The following IL31RA variants were observed in gnomAD, a reference collection of about 807,000 sequenced individuals.
IL31RA encodes interleukin-31 receptor subunit alpha.
Under a neutral mutation model 83.7 loss-of-function variants are expected in IL31RA, and 66 were observed. The observed-to-expected ratio is 0.79, with a 90% CI of 0.65 to 0.97. The LOEUF (loss-of-function observed/expected upper bound fraction) is 0.97. Ranked by LOEUF, IL31RA falls within the 50% of genes least tolerant of loss-of-function variation. The probability of loss-of-function intolerance (pLI) is 0.00; values close to 1 mark genes in which losing one functional copy is unlikely to be tolerated. For synonymous variants in IL31RA, 325 were observed against 329.0 expected (o/e 0.99, Z 0.13); for missense variants, 798 against 919.4 (o/e 0.87, Z 1.71).
At chr5:55,864,953 A>G (rs575987014) in intron 2 of IL31RA, among the ~76,000 whole-genome samples, 1 of 152,154 alleles carries the variant, frequency 6.6e-6, no homozygotes, top group Non-Finnish European at 1.5e-5. Context: ...CTTATCTCTG[A>G]GCCATGGAGA....
At chr5:55,893,442 G>A (rs575909716) in intron 6 of IL31RA, among the ~76,000 whole-genome samples, 2 of 152,332 alleles carry the variant, frequency 1.3e-5, no homozygotes, top group East Asian at 3.9e-4. Context: ...CATAGAAATG[G>A]TATAGCATCA....
At chr5:55,846,803 T>C (rs1475732367), upstream of IL31RA, among the ~76,000 whole-genome samples, 1 of 150,860 alleles carries the variant, frequency 6.6e-6, no homozygotes. Flanking sequence ...GAAAAAAGAA[T>C]CTATATTTTA....
At chr5:55,853,383 G>C (rs1745167669) in intron 1 of IL31RA, 1 of 1,374,716 alleles carries the variant, frequency 7.3e-7, no homozygotes, top group Admixed American at 2.9e-5. Flanking sequence ...ACTTGGGCTG[G>C]GCTTAAAAGC....
intron 6 of IL31RA, among the ~76,000 whole-genome samples, chr5:55,891,579 C>T (rs565165336): frequency 6.6e-6 from 1 of 152,128 alleles, no homozygotes; most frequent in African/African-American, 2.4e-5. Context: ...CATCACCTTT[C>T]CCCACTCTTG....
chr5:55,850,175 A>G (rs1363197553), upstream of IL31RA, among the ~76,000 whole-genome samples: 2 of 151,950 alleles, frequency 1.3e-5, no homozygotes, highest in Non-Finnish European at 2.9e-5. Flanking sequence ...ATATTCTGAA[A>G]CTTCACTGTT....
At chr5:55,864,358 A>C (rs199831049) in intron 2 of IL31RA, among the ~76,000 whole-genome samples, 5 of 141,836 alleles carry the variant, frequency 3.5e-5, no homozygotes, top group Non-Finnish European at 7.7e-5. Flanking sequence ...CACACACACC[A>C]CACACACTAC....
chr5:55,853,930 G>A (rs1223534862), intron 1 of IL31RA, among the ~76,000 whole-genome samples: 1 of 152,162 alleles, frequency 6.6e-6, no homozygotes, highest in Non-Finnish European at 1.5e-5. Flanking sequence ...ATCACTAATA[G>A]CTACCACATG....
intron 5 of IL31RA, among the ~76,000 whole-genome samples, chr5:55,886,967 A>G (rs564634426): frequency 6.6e-6 from 1 of 152,270 alleles, no homozygotes; most frequent in African/African-American, 2.4e-5. Flanking sequence ...TTTCTCTTCC[A>G]GTTACACTGT....
intron 4 of IL31RA, among the ~76,000 whole-genome samples, chr5:55,877,040 T>A (rs555306869): frequency 1.3e-5 from 2 of 152,224 alleles, no homozygotes; most frequent in Non-Finnish European, 2.9e-5. Context: ...ATAGCTTTTT[T>A]ATCCCTCTTT....
the IL31RA span, among the ~76,000 whole-genome samples, chr5:55,845,532 G>T: frequency 1.3e-5 from 2 of 152,124 alleles, no homozygotes; most frequent in Admixed American, 6.5e-5. Context: ...CCAGATGGAG[G>T]TAATTGGAAC....
rs1561543233 is a variant in IL31RA, at chr5:55,867,191, G to GCA, written c.155-1600_155-1599insCA. 2.0e-4 allele frequency among the ~76,000 whole-genome samples: 24 copies of GCA among 119,682 alleles called. 1 individual carries two copies. Among genetic ancestry groups the GCA allele is most frequent in the African/African-American group, 8.1e-4 (21 of 25,896 alleles). The allele number at this position is 119,682 out of a possible 152,430, so 78.5% of individuals were successfully genotyped here. Reference sequence around the variant, plus strand: ...TGCATGTGTGTGTGCATGTGTGTTTGTGTGTGTTTGTGTGTGTGCGCATGT... The same window carrying GCA: ...TGCATGTGTGTGTGCATGTGTGTTTGCATGTGTGTTTGTGTGTGTGCGCATGT... On this transcript the variant is annotated intron_variant, in intron 2 of 14. Transcript: ENST00000652347.
At position 55,914,851 on chromosome 5, in the gene IL31RA, T is replaced by C. The variant is rs1382758579; in HGVS notation, c.1741T>C (p.Leu581=). The change falls in exon 14 of 15, where the codon TTG becomes CTG. Residue 581 remains leucine (L), a synonymous_variant. Coordinates refer to ENST00000652347, the MANE Select transcript of IL31RA (RefSeq NM_139017.7). ...TAAAATCTTCTCTCTCATTAGCAAA[T>C]TGACTCATCTGTGTTGGCCCACCGT... ...VAYGLKKPNK[L]THLCWPTVPN... is the part of the protein sequence containing the mutation. The C allele has an allele frequency of 1.2e-6, 2 of 1,610,518 alleles. No individual in the cohort carries two copies. The highest frequency in any genetic ancestry group is 8.5e-7 in the Non-Finnish European group (1 of 1,176,588).
intron 4 of IL31RA, among the ~76,000 whole-genome samples, chr5:55,876,175 A>G (rs1746835967): frequency 1.3e-5 from 2 of 152,188 alleles, no homozygotes; most frequent in Non-Finnish European, 2.9e-5. Flanking sequence ...TGGGAGGCTG[A>G]GGCGGGCAAA....
intron 4 of IL31RA, 104 bp downstream of exon 4, chr5:55,872,555 G>A (rs1220483399): frequency 1.6e-5 from 9 of 557,744 alleles, no homozygotes; most frequent in East Asian, 5.5e-5. Flanking sequence ...CAAGTTCAAG[G>A]ATATGTGTTG....
At chr5:55,852,888 C>T (rs1745144086) in intron 1 of IL31RA, among the ~76,000 whole-genome samples, 1 of 152,138 alleles carries the variant, frequency 6.6e-6, no homozygotes, top group Non-Finnish European at 1.5e-5. Context: ...AAAAATACTC[C>T]TGATGTTATA....
chr5:55,910,487 AG>A lies in IL31RA; in HGVS notation c.1502-44del. 3 of 1,612,676 alleles carry A rather than the reference AG, an allele frequency of 1.9e-6. No homozygotes were observed. The East Asian group carries it at 6.7e-5, about 36-fold the overall frequency. On this transcript the variant is annotated intron_variant, in intron 11 of 14. Transcript: ENST00000652347. ...TTGGTGCTACTGGGACACAATTTTC[AG>A]TCTGGTTTGGCTGTGGTGTTTGACC...
chr5:55,912,148 G>A (rs1437875288), intron 12 of IL31RA, among the ~76,000 whole-genome samples: 2 of 152,146 alleles, frequency 1.3e-5, no homozygotes, highest in Non-Finnish European at 2.9e-5. Flanking sequence ...CTGGTCTATA[G>A]ATTATAAATC....
At chr5:55,878,664 C>CT (rs1311100125) in intron 4 of IL31RA, among the ~76,000 whole-genome samples, 1 of 151,574 alleles carries the variant, frequency 6.6e-6, no homozygotes, top group East Asian at 1.9e-4. Context: ...TTTTTTTCTT[C>CT]TTTTTTTGAG....
intron 8 of IL31RA, among the ~76,000 whole-genome samples, chr5:55,905,270 G>T (rs1339752122): frequency 6.6e-6 from 1 of 151,986 alleles, no homozygotes; most frequent in East Asian, 1.9e-4. Context: ...TTCGAGTTTT[G>T]CAGGTTGAGG....
Sources: gnomAD v4.1 joint callset for allele counts (sites outside exome capture counted in the v4.1 genomes callset) on GRCh38, gnomAD v4.1.1 for gene constraint, MANE v1.5 for transcripts, NCBI Gene and HGNC (gene_info 2026-07-23, HGNC 2026-07-21) for gene names.